The following BMP7 variants were observed in gnomAD, a reference collection of about 807,000 sequenced individuals.
The protein encoded by BMP7 is bone morphogenetic protein 7, also known as osteogenic protein 1.
In BMP7, 12 loss-of-function variants were observed where a neutral mutation model predicts 41.2. That is an observed-to-expected ratio of 0.29 (90% CI 0.19 to 0.47). The LOEUF is 0.47. BMP7 is among the 20% of genes least tolerant of loss of function. BMP7 has a pLI of 0.99. For missense variants in BMP7, 467 were observed against 606.0 expected (o/e 0.77, Z 2.41); for synonymous variants, 248 against 250.0 (o/e 0.99, Z 0.07).
chr20:57,266,050 G>C lies in BMP7; in HGVS notation c.73C>G (p.Arg25Gly). 7 of 1,543,110 alleles carry C rather than the reference G, an allele frequency of 4.5e-6. No individual in the cohort carries two copies. The highest frequency in any genetic ancestry group is 6.1e-6 in the Non-Finnish European group (7 of 1,146,826). Reference protein sequence around the residue: ...VALWAPLFLLRSALADFSLDN... With the variant: ...VALWAPLFLLGSALADFSLDN... ...AGGCTGAAGTCGGCCAGGGCGGAGC[G>C]CAGCAGGAACAGGGGTGCCCAGAGC... The change falls in exon 1 of 7, where the codon CGC becomes GGC. Residue 25 changes from arginine to glycine, a missense_variant. By Grantham distance (125) the Arg-to-Gly change is moderately radical. Coordinates refer to ENST00000395863, the MANE Select transcript of BMP7 (RefSeq NM_001719.3).
At chr20:57,211,318 G>A (rs1334036105) in intron 2 of BMP7, among the ~76,000 whole-genome samples, 2 of 152,188 alleles carry the variant, frequency 1.3e-5, no homozygotes, top group Non-Finnish European at 2.9e-5. Flanking sequence ...GGAGCAACAG[G>A]CCCCAGGCCA....
intron 1 of BMP7, among the ~76,000 whole-genome samples, chr20:57,242,899 A>G (rs908276640): frequency 6.6e-6 from 1 of 152,198 alleles, no homozygotes; most frequent in Non-Finnish European, 1.5e-5. Context: ...GATACTCGGG[A>G]GGCTGAGGCA....
In BMP7 at chr20:57,174,374, G is replaced by A. The variant is rs1983875388; in HGVS notation, c.1035+557C>T. Among the ~76,000 whole-genome samples, 1 of 152,182 alleles carries A rather than the reference G, an allele frequency of 6.6e-6. No individual in the cohort carries two copies. Among genetic ancestry groups the A allele is most frequent in the African/African-American group, 2.4e-5 (1 of 41,438 alleles). ...AGAATCACACCAGAGCTCACGGCAGGTGGATCACATGACCCTCACTCCTCT... is the reference window on the plus strand; with the variant it reads ...AGAATCACACCAGAGCTCACGGCAGATGGATCACATGACCCTCACTCCTCT... On this transcript the variant is annotated intron_variant, in intron 5 of 6. Coordinates refer to ENST00000395863, the MANE Select transcript of BMP7 (RefSeq NM_001719.3). This position sits in a 1 kb window ranked among gnomAD's most constrained non-coding sequence, Gnocchi z 4.3.
rs148962511 is a variant in BMP7, at chr20:57,228,424, G to A, written c.419-3C>T. 1 of 1,613,946 alleles carries A rather than the reference G, an allele frequency of 6.2e-7. No individual in the cohort carries two copies. The highest frequency in any genetic ancestry group is 1.3e-5 in the African/African-American group (1 of 75,042). ...GAAGAATTCCTTGTCATGTTCCACT[G>A]GAAGAGGAAGAGAACACACACCAAC... On this transcript the variant is annotated splice_polypyrimidine_tract_variant and splice_region_variant and intron_variant, in intron 1 of 6. Coordinates refer to ENST00000395863, the MANE Select transcript of BMP7 (RefSeq NM_001719.3). The surrounding 1 kb of genome is among the most constrained non-coding windows in gnomAD (Gnocchi z 4.5).
intron 3 of BMP7, among the ~76,000 whole-genome samples, chr20:57,198,033 C>G (rs1984535820): frequency 6.6e-6 from 1 of 152,112 alleles, no homozygotes; most frequent in Non-Finnish European, 1.5e-5. Flanking sequence ...AGGATTCCCT[C>G]CACTCAAAGG....
Position 57,195,563 on chromosome 20 carries a change from G to A in BMP7, c.760+6912C>T, listed in dbSNP as rs370768856. Among the ~76,000 whole-genome samples, 110 of 152,326 alleles carry A rather than the reference G, an allele frequency of 7.2e-4. 1 individual carries two copies. The highest frequency in any genetic ancestry group is 2.6e-3 in the African/African-American group (109 of 41,570). On this transcript the variant is annotated intron_variant, in intron 3 of 6. Transcript: ENST00000395863. ...TGGACAAACAGGATGTGAAGCAATC[G>A]CATGGAGCGAAGGCACCTTGGAGCC...
intron 1 of BMP7, among the ~76,000 whole-genome samples, chr20:57,231,087 C>G (rs1442980742): frequency 6.6e-6 from 1 of 152,222 alleles, no homozygotes; most frequent in African/African-American, 2.4e-5. Flanking sequence ...CATTACCAAC[C>G]CCCTTTCCCA....
chr20:57,265,807 G>T lies in BMP7; in HGVS notation c.316C>A (p.Pro106Thr). 6.2e-7 allele frequency: 1 copy of T among 1,608,746 alleles called. No homozygotes were observed. The highest frequency in any genetic ancestry group is 8.5e-7 in the Non-Finnish European group (1 of 1,178,002). The part of the protein sequence containing the change: ...GGPGGQGFSY[P>T]YKAVFSTQGP... ...TGGGTACTGAAGACGGCCTTGTAGGGGTAGGAGAAGCCCTGGCCGCCGGGC... is the reference window on the plus strand; with the variant it reads ...TGGGTACTGAAGACGGCCTTGTAGGTGTAGGAGAAGCCCTGGCCGCCGGGC... Residue 106 changes from proline to threonine, a missense_variant, in exon 1 of 7, where the codon CCC (proline) becomes ACC (threonine). Around this residue, in one of 2 missense-constraint regions of BMP7, gnomAD observed 407 missense variants for 485.9 expected, o/e 0.84. Transcript: ENST00000395863.
chr20:57,260,423 G>A (rs916729804), intron 1 of BMP7, among the ~76,000 whole-genome samples: 7 of 152,108 alleles, frequency 4.6e-5, no homozygotes, highest in African/African-American at 1.7e-4. Context: ...CATCTCCTCA[G>A]CTCAACTCCA....
intron 1 of BMP7, among the ~76,000 whole-genome samples, chr20:57,237,145 C>T (rs1419610260): frequency 6.6e-6 from 1 of 152,218 alleles, no homozygotes; most frequent in East Asian, 1.9e-4. Context: ...TCTGTGAGCA[C>T]AGACTAGTCC....
At position 57,189,355 on chromosome 20, in the gene BMP7, C is replaced by T. The variant is rs371738518; in HGVS notation, c.761-5436G>A. 7.2e-5 allele frequency among the ~76,000 whole-genome samples: 11 copies of T among 152,308 alleles called. No homozygotes were observed. In the East Asian group the frequency reaches 1.4e-3, roughly 19 times the overall value. The stretch of plus-strand genomic sequence containing the variant: ...CCCATCCATCCCCAGGCGCCAGCAC[C>T]GGCTATACAATCTGCAAGGCCCGGT... On this transcript the variant is annotated intron_variant, in intron 3 of 6. Transcript: ENST00000395863.
At chr20:57,239,594 C>T (rs907409468) in intron 1 of BMP7, among the ~76,000 whole-genome samples, 9 of 152,250 alleles carry the variant, frequency 5.9e-5, no homozygotes, top group Admixed American at 2.0e-4. Context: ...GTGGGAGTCC[C>T]AATTCCACAT....
intron 3 of BMP7, among the ~76,000 whole-genome samples, chr20:57,186,087 A>G (rs978483732): frequency 1.3e-5 from 2 of 152,244 alleles, no homozygotes; most frequent in African/African-American, 4.8e-5. Flanking sequence ...TGGTCCAGAC[A>G]GTAATGTAAG....
chr20:57,231,039 A>G (rs901394307), intron 1 of BMP7, among the ~76,000 whole-genome samples: 5 of 152,106 alleles, frequency 3.3e-5, no homozygotes, highest in Admixed American at 2.0e-4. Context: ...ACCAAAGTAA[A>G]CCCAGTCACG....
At chr20:57,183,191 C>T (rs1449529239) in intron 4 of BMP7, among the ~76,000 whole-genome samples, 1 of 151,544 alleles carries the variant, frequency 6.6e-6, no homozygotes, top group Admixed American at 6.6e-5. Flanking sequence ...GCCGAGATCG[C>T]ACCACTGCAC....
At chr20:57,210,763 G>A (rs1270108276) in intron 2 of BMP7, among the ~76,000 whole-genome samples, 1 of 152,234 alleles carries the variant, frequency 6.6e-6, no homozygotes, top group Non-Finnish European at 1.5e-5. Context: ...CCCACCATCG[G>A]GGCTCCTTCA....
chr20:57,212,515 C>T (rs1984916682), intron 2 of BMP7, among the ~76,000 whole-genome samples: 1 of 152,220 alleles, frequency 6.6e-6, no homozygotes, highest in African/African-American at 2.4e-5. Flanking sequence ...CACTCTGCTG[C>T]TCTTTGGAAA....
Position 57,265,827 on chromosome 20 carries a change from C to T in BMP7, c.296G>A (p.Gly99Asp). The change falls in exon 1 of 7, where the codon GGC becomes GAC. Residue 99 changes from glycine to aspartate, a missense_variant. Coordinates refer to ENST00000395863, the MANE Select transcript of BMP7 (RefSeq NM_001719.3). ...GTAGGGGTAGGAGAAGCCCTGGCCG[C>T]CGGGCCCGCCGCCCTCCTCCACCGC... ...AMAVEEGGGP[G>D]GQGFSYPYKA... 6.2e-7 allele frequency: 1 copy of T among 1,606,458 alleles called. No individual in the cohort carries two copies. The highest frequency in any genetic ancestry group is 1.1e-5 in the South Asian group (1 of 89,298).
At chr20:57,179,592 C>A (rs999698162) in intron 4 of BMP7, among the ~76,000 whole-genome samples, 3 of 152,180 alleles carry the variant, frequency 2.0e-5, no homozygotes, top group Non-Finnish European at 2.9e-5. Context: ...GAGCATGTGC[C>A]CCCGCCCCAG....
Sources: gnomAD v4.1 joint callset for allele counts (sites outside exome capture counted in the v4.1 genomes callset) on GRCh38, gnomAD v4.1.1 for gene constraint, gnomAD v4.1.1 regional missense constraint, Gnocchi (gnomAD v3.1) non-coding constraint, MANE v1.5 for transcripts, NCBI Gene and HGNC (gene_info 2026-07-23, HGNC 2026-07-21) for gene names.